EXT2: variants seen among roughly 807,000 people sequenced by gnomAD.
EXT2 encodes the protein exostosin glycosyltransferase 2, also known as exostosin-2.
Under a neutral mutation model 81.6 loss-of-function variants are expected in EXT2, and 53 were observed. The ratio of observed to expected loss-of-function variants is 0.65; its 90% confidence interval spans 0.52 to 0.82. EXT2 has a LOEUF of 0.82. Ranked by LOEUF, EXT2 falls within the 40% of genes least tolerant of loss-of-function variation. The probability of loss-of-function intolerance (pLI) is 0.00; values close to 1 mark genes in which losing one functional copy is unlikely to be tolerated. For missense variants in EXT2, 774 were observed against 910.2 expected (o/e 0.85, Z 1.93); for synonymous variants, 320 against 340.0 (o/e 0.94, Z 0.65).
At chr11:44,216,348 A>G (rs1267995525) in intron 10 of EXT2, among the ~76,000 whole-genome samples, 8 of 152,224 alleles carry the variant, frequency 5.3e-5, no homozygotes, top group African/African-American at 1.9e-4. Flanking sequence ...GTGATTCCGT[A>G]TGGAAAAGTA....
chr11:44,177,633 T>G (rs983300480), intron 8 of EXT2, among the ~76,000 whole-genome samples: 2 of 152,238 alleles, frequency 1.3e-5, no homozygotes, highest in African/African-American at 4.8e-5. Context: ...GAGTGGAGTG[T>G]TTTCCCATGT....
intron 8 of EXT2, among the ~76,000 whole-genome samples, chr11:44,178,995 C>T (rs1251028942): frequency 6.6e-6 from 1 of 151,934 alleles, no homozygotes; most frequent in Non-Finnish European, 1.5e-5. Flanking sequence ...GCTAGAAAGT[C>T]TCAGGATGTC....
At chr11:44,239,326 T>C (rs897350477) in intron 13 of EXT2, among the ~76,000 whole-genome samples, 2 of 151,900 alleles carry the variant, frequency 1.3e-5, no homozygotes, top group African/African-American at 4.8e-5. Flanking sequence ...CAGGAGGTGA[T>C]GTTAATCAGG....
intron 4 of EXT2, among the ~76,000 whole-genome samples, chr11:44,120,843 C>A (rs1384665972): frequency 6.6e-6 from 1 of 152,184 alleles, no homozygotes; most frequent in Non-Finnish European, 1.5e-5. Context: ...TGGGAGTTTA[C>A]AACTGTTACT....
chr11:44,142,501 T>G (rs533072780), intron 7 of EXT2, among the ~76,000 whole-genome samples: 2 of 152,358 alleles, frequency 1.3e-5, no homozygotes, highest in South Asian at 4.1e-4. Flanking sequence ...GAAAACAGTT[T>G]GCTTGTTCCT....
chr11:44,096,085 C>T (rs2134931683), intron 1 of EXT2: 2 of 697,368 alleles, frequency 2.9e-6, no homozygotes, highest in East Asian at 2.7e-5. Flanking sequence ...CCTCCGGCGG[C>T]GGCCGCGCTT....
At chr11:44,208,758 T>C (rs1955613014) in intron 10 of EXT2, among the ~76,000 whole-genome samples, 1 of 152,218 alleles carries the variant, frequency 6.6e-6, no homozygotes, top group Non-Finnish European at 1.5e-5. Flanking sequence ...GTGCTGAGAC[T>C]AAGTAAGGTT....
At chr11:44,126,037 G>C (rs537379321) in intron 5 of EXT2, among the ~76,000 whole-genome samples, 1 of 151,840 alleles carries the variant, frequency 6.6e-6, no homozygotes, top group Non-Finnish European at 1.5e-5. Context: ...TTAGTTTTTG[G>C]TTTTTTTAAA....
chr11:44,103,778 A>T (rs764444731), intron 1 of EXT2: 4 of 328,722 alleles, frequency 1.2e-5, no homozygotes, highest in Admixed American at 9.7e-5. Flanking sequence ...TTTCCATGTT[A>T]TCTGAGTTTT....
At chr11:44,214,200 G>A (rs916984696) in intron 10 of EXT2, among the ~76,000 whole-genome samples, 1 of 151,836 alleles carries the variant, frequency 6.6e-6, no homozygotes, top group Non-Finnish European at 1.5e-5. Flanking sequence ...TGCAAGCTCC[G>A]CCTCCCGGGT....
At chr11:44,170,523 T>C (rs973110859) in intron 7 of EXT2, among the ~76,000 whole-genome samples, 2 of 151,798 alleles carry the variant, frequency 1.3e-5, no homozygotes, top group Non-Finnish European at 2.9e-5. Flanking sequence ...AAATCAAAAG[T>C]CGATTTTTAA....
chr11:44,232,879 A>G (rs1378981715), intron 11 of EXT2, among the ~76,000 whole-genome samples: 2 of 152,218 alleles, frequency 1.3e-5, no homozygotes, highest in Non-Finnish European at 2.9e-5. Context: ...ACATTTCTTC[A>G]TAAACAGTTA....
chr11:44,114,031 T>G (rs1954183664), intron 3 of EXT2, among the ~76,000 whole-genome samples, 154 bp from the exon 4 acceptor site: 1 of 152,020 alleles, frequency 6.6e-6, no homozygotes, highest in Non-Finnish European at 1.5e-5. Context: ...GGCCCCGAGA[T>G]GCGTGTATAA....
At chr11:44,160,426 T>C (rs936275446) in intron 7 of EXT2, among the ~76,000 whole-genome samples, 6 of 152,198 alleles carry the variant, frequency 3.9e-5, no homozygotes, top group African/African-American at 1.2e-4. Context: ...TAGGACAGAA[T>C]GGTGACTTCT....
At chr11:44,136,432 A>T (rs949741908) in intron 7 of EXT2, among the ~76,000 whole-genome samples, 12 of 152,216 alleles carry the variant, frequency 7.9e-5, no homozygotes, top group African/African-American at 2.9e-4. Context: ...ACTTCATTCA[A>T]ACCACAGAGC....
chr11:44,119,144 A>T (rs1474689789), intron 4 of EXT2, among the ~76,000 whole-genome samples: 2 of 40,644 alleles, frequency 4.9e-5, no homozygotes, highest in African/African-American at 7.0e-5. Context: ...ATATATATAT[A>T]TATATATATA....
Position 44,097,767 on chromosome 11 carries a change from AAT to A in EXT2, c.-31+1917_-31+1918del, listed in dbSNP as rs1565192350. ...GAGCAAGACTCCATCTCAAAAAATA[AAT>A]AAATAAATAAATAAATAAATAAATA... is the stretch of plus-strand genomic sequence containing the variant. On this transcript the variant is annotated intron_variant, in intron 1 of 13. Coordinates refer to ENST00000533608, the MANE Select transcript of EXT2 (RefSeq NM_207122.2). Among the ~76,000 whole-genome samples, 8 of 17,484 alleles carry A rather than the reference AAT, an allele frequency of 4.6e-4. 1 individual carries two copies. Among genetic ancestry groups the A allele is most frequent in the African/African-American group, 1.5e-3 (5 of 3,254 alleles). The allele number at this position is 17,484 out of a possible 152,430, so 11.5% of individuals were successfully genotyped here. A position where few individuals can be genotyped will look rare whatever the true frequency, so the allele number is the denominator to read the frequency against.
intron 13 of EXT2, among the ~76,000 whole-genome samples, chr11:44,237,790 G>A (rs899262894): frequency 6.6e-6 from 1 of 151,706 alleles, no homozygotes; most frequent in African/African-American, 2.4e-5. Context: ...AGAGCCAGGT[G>A]TGGTGGCTCA....
Position 44,172,000 on chromosome 11 carries a change from G to T in EXT2, c.1305+258G>T, listed in dbSNP as rs770872436. 4 of 511,534 alleles carry T rather than the reference G, an allele frequency of 7.8e-6. No individual in the cohort carries two copies. In the East Asian group the frequency reaches 1.5e-4, roughly 19 times the overall value. The allele number at this position is 511,534 out of a possible 1,614,324, so 31.7% of individuals were successfully genotyped here. ...ATTTATTGCAGAGATAAGTAAGGAG[G>T]CATGGGTCTTGTTGGAAATCAAAGA... On this transcript the variant is annotated intron_variant, in intron 8 of 13. Transcript: ENST00000533608.
Sources: allele counts gnomAD v4.1 joint callset (sites outside exome capture counted in the v4.1 genomes callset), GRCh38; gene constraint gnomAD v4.1.1; transcripts MANE v1.5; gene names NCBI Gene and HGNC (gene_info 2026-07-23, HGNC 2026-07-21).